The following KCNQ3 variants were observed in gnomAD, a reference collection of about 807,000 sequenced individuals.
KCNQ3 encodes potassium voltage-gated channel subfamily KQT member 3.
A neutral mutation model predicts 92.5 loss-of-function variants in KCNQ3; 30 were observed. That is an observed-to-expected ratio of 0.32 (90% CI 0.24 to 0.44). The LOEUF is 0.44. Among genes scored for constraint, KCNQ3 ranks in the 20% least tolerant of loss-of-function variants. The probability of loss-of-function intolerance (pLI) is 1.00; values close to 1 mark genes in which losing one functional copy is unlikely to be tolerated. For missense variants in KCNQ3, 913 were observed against 1,140.3 expected, an observed-to-expected ratio of 0.80 and a Z score of 2.87; for synonymous variants, 450 against 468.8, an observed-to-expected ratio of 0.96 and a Z score of 0.52.
chr8:132,367,533 A>G (rs1440420368), intron 1 of KCNQ3, among the ~76,000 whole-genome samples: 1 of 152,258 alleles, frequency 6.6e-6, no homozygotes, highest in East Asian at 1.9e-4. Context: ...TGTAATCTGC[A>G]TGACAAATTA....
At chr8:132,261,144 T>C (rs1027713964) in intron 1 of KCNQ3, among the ~76,000 whole-genome samples, 11 of 152,194 alleles carry the variant, frequency 7.2e-5, no homozygotes, top group Non-Finnish European at 1.0e-4. Flanking sequence ...GGACTAAGAA[T>C]ATGCAGGCAA....
At chr8:132,169,041 C>T (rs1826227576) in intron 8 of KCNQ3, among the ~76,000 whole-genome samples, 1 of 152,152 alleles carries the variant, frequency 6.6e-6, no homozygotes, top group South Asian at 2.1e-4. Flanking sequence ...GTTCTAGAAG[C>T]TCAAGTAGTG....
At chr8:132,424,695 T>C (rs2597327) in intron 1 of KCNQ3, among the ~76,000 whole-genome samples, 38,091 of 152,148 alleles carry the variant, frequency 0.25, 4,963 homozygotes, top group East Asian at 0.28. Flanking sequence ...CAAGAACTCA[T>C]CAGGGTATCA....
At chr8:132,248,334 G>GTATATATATA (rs5895135) in intron 1 of KCNQ3, among the ~76,000 whole-genome samples, 168 of 144,180 alleles carry the variant, frequency 1.2e-3, no homozygotes, top group Middle Eastern at 7.2e-3. Flanking sequence ...TAGTCTATAA[G>GTATATATATA]TATATATATA....
At chr8:132,174,074 A>G (rs1480000095) in intron 6 of KCNQ3, among the ~76,000 whole-genome samples, 165 bp downstream of exon 6, 1 of 152,238 alleles carries the variant, frequency 6.6e-6, no homozygotes, top group Non-Finnish European at 1.5e-5. Context: ...AAAGGAAAGC[A>G]GCAGGGCCTG....
chr8:132,147,960 G>T (rs928119307), intron 9 of KCNQ3, among the ~76,000 whole-genome samples: 1 of 152,072 alleles, frequency 6.6e-6, no homozygotes, highest in African/African-American at 2.4e-5. Context: ...CCTAACACAT[G>T]GTCTATCCTG....
At chr8:132,230,449 C>CAGAGAGAG (rs5895132) in intron 1 of KCNQ3, among the ~76,000 whole-genome samples, 21 of 142,462 alleles carry the variant, frequency 1.5e-4, no homozygotes, top group East Asian at 1.0e-3. Context: ...GAGAGAGAGA[C>CAGAGAGAG]AGAGAGAGAG....
chr8:132,150,217 T>C (rs1825593814), intron 9 of KCNQ3, among the ~76,000 whole-genome samples: 1 of 152,232 alleles, frequency 6.6e-6, no homozygotes, highest in African/African-American at 2.4e-5. Flanking sequence ...TTTGCACGTC[T>C]TTCTGTATGG....
chr8:132,329,094 T>C (rs1371245777), intron 1 of KCNQ3, among the ~76,000 whole-genome samples: 3 of 152,180 alleles, frequency 2.0e-5, no homozygotes, highest in East Asian at 3.9e-4. Context: ...ACATTGCCCT[T>C]ATGGAATTTC....
rs869112851 is a variant in KCNQ3 at position 132,154,193 on chromosome 8, G to GTTTTTTTTTTTTT, written c.1262+9262_1262+9274dup. Reference sequence around the variant, plus strand: ...CTGATGTACCATCAAAAGGGTAAAAGTTTTTTTTTTTTTTTTTTTTTTTTT... The same window carrying GTTTTTTTTTTTTT: ...CTGATGTACCATCAAAAGGGTAAAAGTTTTTTTTTTTTTTTTTTTTTTTTTTTTTTTTTTTTTT... On this transcript the variant is annotated intron_variant, in intron 9 of 14. Transcript: ENST00000388996. Among the ~76,000 whole-genome samples the GTTTTTTTTTTTTT allele has an allele frequency of 3.5e-3, 97 of 27,458 alleles. 15 individuals are homozygous for GTTTTTTTTTTTTT. Among genetic ancestry groups the GTTTTTTTTTTTTT allele is most frequent in the Non-Finnish European group, 4.0e-3 (59 of 14,646 alleles). The allele number at this position is 27,458 out of a possible 152,430, so 18.0% of individuals were successfully genotyped here.
At chr8:132,271,814 T>G (rs1816156377) in intron 1 of KCNQ3, among the ~76,000 whole-genome samples, 3 of 152,190 alleles carry the variant, frequency 2.0e-5, no homozygotes, top group South Asian at 2.1e-4. Flanking sequence ...CCGTAGTGAG[T>G]CAAAGATGAA....
chr8:132,476,028 G>A (rs1264775854), intron 1 of KCNQ3, among the ~76,000 whole-genome samples: 1 of 152,234 alleles, frequency 6.6e-6, no homozygotes, highest in Non-Finnish European at 1.5e-5. Flanking sequence ...GGCTAAAAGG[G>A]AGCAAGGTAC....
At chr8:132,221,592 C>T (rs1408147473) in intron 1 of KCNQ3, among the ~76,000 whole-genome samples, 19 of 152,142 alleles carry the variant, frequency 1.2e-4, no homozygotes, top group Non-Finnish European at 7.4e-5. Context: ...TTTCATGTGT[C>T]TGTTGCCTGC....
At chr8:132,466,881 C>G (rs1196869724) in intron 1 of KCNQ3, among the ~76,000 whole-genome samples, 3 of 152,172 alleles carry the variant, frequency 2.0e-5, no homozygotes, top group Non-Finnish European at 4.4e-5. Context: ...AAAAACGTCT[C>G]TAAAGACTCC....
chr8:132,249,099 G>A (rs1815297737), intron 1 of KCNQ3, among the ~76,000 whole-genome samples: 1 of 152,226 alleles, frequency 6.6e-6, no homozygotes, highest in Non-Finnish European at 1.5e-5. Context: ...GACCTTTGCG[G>A]TGAGTGTTAC....
At chr8:132,244,094 T>C (rs534569743) in intron 1 of KCNQ3, among the ~76,000 whole-genome samples, 3 of 152,288 alleles carry the variant, frequency 2.0e-5, no homozygotes, top group Admixed American at 6.5e-5. Context: ...CTACACCCCC[T>C]GGAATCTCAG....
intron 1 of KCNQ3, among the ~76,000 whole-genome samples, chr8:132,224,786 T>C (rs1451380863): frequency 6.6e-6 from 1 of 152,232 alleles, no homozygotes; most frequent in East Asian, 1.9e-4. Context: ...TGCTCTGTCC[T>C]AACTTTCCAT....
intron 1 of KCNQ3, among the ~76,000 whole-genome samples, chr8:132,189,966 C>G (rs924770797): frequency 4.4e-5 from 6 of 135,114 alleles, no homozygotes; most frequent in Non-Finnish European, 9.3e-5. Flanking sequence ...TTTTTAAGAA[C>G]AAGATTGTTT....
chr8:132,374,334 G>T (rs1452929518), intron 1 of KCNQ3, among the ~76,000 whole-genome samples: 4 of 152,156 alleles, frequency 2.6e-5, no homozygotes, highest in Non-Finnish European at 5.9e-5. Context: ...AGGAAATGGT[G>T]ACTCACTTCT....
Sources: gnomAD v4.1 joint callset for allele counts (sites outside exome capture counted in the v4.1 genomes callset) on GRCh38, gnomAD v4.1.1 for gene constraint, MANE v1.5 for transcripts, NCBI Gene and HGNC (gene_info 2026-07-23, HGNC 2026-07-21) for gene names.